CCDC62: variants seen among roughly 807,000 people sequenced by gnomAD.
The protein encoded by CCDC62 is coiled-coil domain-containing protein 62.
A neutral mutation model predicts 80.8 loss-of-function variants in CCDC62; 72 were observed. The ratio of observed to expected loss-of-function variants is 0.89; its 90% CI spans 0.74 to 1.08. The LOEUF (loss-of-function observed/expected upper bound fraction) is 1.08, where lower values mean the gene tolerates loss of function less well. Ranked by LOEUF, CCDC62 falls within the 50% of genes least tolerant of loss-of-function variation. The probability of loss-of-function intolerance (pLI) is 0.00; values close to 1 mark genes in which losing one functional copy is unlikely to be tolerated. For missense variants in CCDC62, 704 were observed against 809.4 expected (o/e 0.87, Z 1.58); for synonymous variants, 286 against 296.5 (o/e 0.96, Z 0.36).
chr12:122,791,188 T>G (rs1366807530), intron 5 of CCDC62, among the ~76,000 whole-genome samples: 2 of 152,176 alleles, frequency 1.3e-5, no homozygotes, highest in African/African-American at 4.8e-5. Context: ...TCGCCCAGGC[T>G]GGAGTGCAAT....
At chr12:122,793,374 C>T (rs975642429) in intron 6 of CCDC62, among the ~76,000 whole-genome samples, 1 of 152,008 alleles carries the variant, frequency 6.6e-6, no homozygotes, top group Non-Finnish European at 1.5e-5. Flanking sequence ...AAAAGAAAGC[C>T]CAGTAGAATC....
chr12:122,801,084 A>G (rs369107586), intron 8 of CCDC62, 40 bp from the exon 9 acceptor site: 49 of 1,556,724 alleles, frequency 3.1e-5, no homozygotes, highest in Middle Eastern at 1.7e-4. Context: ...AGCATCAAGT[A>G]TATCTTATAA....
chr12:122,786,186 G>C (rs187420376), intron 4 of CCDC62, among the ~76,000 whole-genome samples: 1,768 of 151,998 alleles, frequency 0.012, 36 homozygotes, highest in African/African-American at 0.041. Context: ...CTCGCTCTGT[G>C]GCCCAGGCTG....
Position 122,801,196 on chromosome 12 carries a change from G to T in CCDC62, c.1050G>T (p.Lys350Asn). ...ATATTAAGAGGGAAAAAAATCAGAAGTCACTGTTTAAGGACCAGAAATTTG... is the reference window on the plus strand; with the variant it reads ...ATATTAAGAGGGAAAAAAATCAGAATTCACTGTTTAAGGACCAGAAATTTG... ...KVDIKREKNQ[K>N]SLFKDQKFEA... Residue 350 changes from lysine to asparagine, a missense_variant, in exon 9 of 13, where the codon AAG (lysine) becomes AAT (asparagine). Coordinates refer to ENST00000253079, the MANE Select transcript of CCDC62 (RefSeq NM_201435.5). 1 of 1,613,976 alleles carries T rather than the reference G, an allele frequency of 6.2e-7. No individual in the cohort carries two copies. The highest frequency in any genetic ancestry group is 8.5e-7 in the Non-Finnish European group (1 of 1,179,980).
chr12:122,792,119 C>T lies in CCDC62; in HGVS notation c.770C>T (p.Thr257Ile), dbSNP rs1426015988. 6.3e-7 allele frequency: 1 copy of T among 1,582,388 alleles called. No individual in the cohort carries two copies. The highest frequency in any genetic ancestry group is 8.7e-7 in the Non-Finnish European group (1 of 1,151,404). ...KSCLHDELLF[T>I]VEREKRKDEL... ...TGCCTGCACGATGAATTGCTTTTTA[C>T]TGGTAAAACAGATGATCGAATGTAT... The change falls in exon 6 of 13, where the codon ACT (threonine) becomes ATT (isoleucine). Residue 257 changes from threonine (T) to isoleucine (I), a missense_variant and splice_region_variant. By Grantham distance (89) the Thr-to-Ile change is moderately conservative. Transcript: ENST00000253079.
chr12:122,781,130 G>T (rs1359794176), intron 2 of CCDC62, 34 bp from the exon 3 acceptor site: 19 of 1,564,944 alleles, frequency 1.2e-5, no homozygotes, highest in Non-Finnish European at 1.7e-5. Flanking sequence ...TAAGCTGAAG[G>T]TGTGACTACA....
intron 3 of CCDC62, among the ~76,000 whole-genome samples, chr12:122,785,120 C>T (rs1437416519): frequency 3.3e-5 from 5 of 151,696 alleles, no homozygotes; most frequent in South Asian, 2.1e-4. Flanking sequence ...CCAGCCTGGG[C>T]GACAGAGTGA....
chr12:122,774,931 TA>T (rs1217004247), intron 1 of CCDC62, among the ~76,000 whole-genome samples: 222 of 130,662 alleles, frequency 1.7e-3, no homozygotes, highest in Admixed American at 2.0e-3. Context: ...CTACTAAAAA[TA>T]AAAAAAAAAA....
At chr12:122,805,421 G>T (rs2031547198) in intron 9 of CCDC62, among the ~76,000 whole-genome samples, 1 of 135,786 alleles carries the variant, frequency 7.4e-6, no homozygotes, top group Non-Finnish European at 1.5e-5. Flanking sequence ...TTGGCTCTCC[G>T]CAACCTCCGC....
intron 11 of CCDC62, among the ~76,000 whole-genome samples, chr12:122,814,468 T>G (rs1017333759): frequency 6.6e-6 from 1 of 151,946 alleles, no homozygotes; most frequent in African/African-American, 2.4e-5. Context: ...AAATATTTCA[T>G]GATCATGATG....
At chr12:122,781,039 G>T in intron 2 of CCDC62, 125 bp from the exon 3 acceptor site, 1 of 695,996 alleles carries the variant, frequency 1.4e-6, no homozygotes, top group Non-Finnish European at 2.4e-6. Flanking sequence ...ATAATAAAAG[G>T]TTTTAAAAGA....
chr12:122,785,877 T>C, intron 4 of CCDC62, 57 bp downstream of exon 4: 1 of 1,148,288 alleles, frequency 8.7e-7, no homozygotes. Context: ...TATATCCATA[T>C]TCATTATCTT....
At chr12:122,824,393 C>A (rs369994129) in intron 12 of CCDC62, among the ~76,000 whole-genome samples, 2 of 150,838 alleles carry the variant, frequency 1.3e-5, no homozygotes, top group Admixed American at 1.3e-4. Context: ...TCCAGCCGGG[C>A]GACAATAATG....
Position 122,801,723 on chromosome 12 carries a change from C to G in CCDC62, c.1577C>G (p.Pro526Arg). The G allele has an allele frequency of 6.2e-7, 1 of 1,614,170 alleles. No individual in the cohort carries two copies. The highest frequency in any genetic ancestry group is 1.3e-5 in the African/African-American group (1 of 75,038). Reference protein sequence around the residue: ...CHPSNFIIEAPGHMSDVEWMS... With the variant: ...CHPSNFIIEARGHMSDVEWMS... ...CCGAGTAACTTCATAATTGAAGCCC[C>G]AGGCCACATGTCTGACGTGGAGTGG... is the stretch of plus-strand genomic sequence containing the variant. Residue 526 changes from proline (P) to arginine (R), a missense_variant, in exon 9 of 13, where the codon CCA (proline) becomes CGA (arginine). Physicochemically the swap from Pro to Arg is moderately radical, Grantham distance 103. Coordinates refer to ENST00000253079, the MANE Select transcript of CCDC62 (RefSeq NM_201435.5).
chr12:122,817,661 A>T (rs2032225699), intron 11 of CCDC62, among the ~76,000 whole-genome samples: 1 of 152,102 alleles, frequency 6.6e-6, no homozygotes. Flanking sequence ...ATAGCAACAG[A>T]TGTCTCCTCC....
At chr12:122,783,849 C>T (rs969431436) in intron 3 of CCDC62, among the ~76,000 whole-genome samples, 7 of 152,152 alleles carry the variant, frequency 4.6e-5, no homozygotes, top group African/African-American at 1.4e-4. Context: ...ACCTCCACAC[C>T]GGGGTGGTGC....
At position 122,798,306 on chromosome 12, in the gene CCDC62, G is replaced by A. The variant is rs576988063; in HGVS notation, c.977+106G>A. On this transcript the variant is annotated intron_variant, in intron 8 of 12. Transcript: ENST00000253079. The stretch of plus-strand genomic sequence containing the variant: ...AGTACTGACTACTATTCCCCATATG[G>A]TAGGAAATAAATGTGGCCGGGCACG... 2.2e-5 allele frequency: 15 copies of A among 674,272 alleles called. No individual in the cohort carries two copies. In the East Asian group the frequency reaches 4.1e-4, roughly 19 times the overall value. The allele number at this position is 674,272 out of a possible 1,614,324, so 41.8% of individuals were successfully genotyped here.
intron 11 of CCDC62, among the ~76,000 whole-genome samples, chr12:122,813,948 C>A (rs1028563867): frequency 1.3e-5 from 2 of 152,008 alleles, no homozygotes; most frequent in East Asian, 3.9e-4. Flanking sequence ...TGAGCCACCA[C>A]GGCCAGCTGG....
Position 122,801,208 on chromosome 12 carries a change from G to A in CCDC62, c.1062G>A (p.Lys354=), listed in dbSNP as rs2031281955. The part of the protein sequence containing the change: ...KREKNQKSLF[K]DQKFEAMLVQ... The stretch of plus-strand genomic sequence containing the variant: ...AAAAAAATCAGAAGTCACTGTTTAA[G>A]GACCAGAAATTTGAAGCCATGTTGG... Residue 354 remains lysine, a synonymous_variant, in exon 9 of 13, where the codon AAG becomes AAA. Coordinates refer to ENST00000253079, the MANE Select transcript of CCDC62 (RefSeq NM_201435.5). 1 of 1,613,996 alleles carries A rather than the reference G, an allele frequency of 6.2e-7. No individual in the cohort carries two copies. Among genetic ancestry groups the A allele is most frequent in the Non-Finnish European group, 8.5e-7 (1 of 1,180,026 alleles).
Sources: allele counts gnomAD v4.1 joint callset (sites outside exome capture counted in the v4.1 genomes callset), GRCh38; gene constraint gnomAD v4.1.1; transcripts MANE v1.5; gene names NCBI Gene and HGNC (gene_info 2026-07-23, HGNC 2026-07-21).